ROS1: variants seen among roughly 807,000 people sequenced by gnomAD.
The protein encoded by ROS1 is ROS proto-oncogene 1, receptor tyrosine kinase, also known as proto-oncogene tyrosine-protein kinase ROS.
Under a neutral mutation model 273.5 loss-of-function variants are expected in ROS1, and 263 were observed. The ratio of observed to expected loss-of-function variants is 0.96; its 90% CI spans 0.87 to 1.06. The LOEUF (loss-of-function observed/expected upper bound fraction) is 1.06. Ranked by LOEUF, ROS1 falls within the 50% of genes least tolerant of loss-of-function variation. The probability of loss-of-function intolerance (pLI) is 0.00; values close to 1 mark genes in which losing one functional copy is unlikely to be tolerated. For synonymous variants in ROS1, 1,008 were observed against 954.1 expected (o/e 1.06, Z -1.04); for missense variants, 2,833 against 2,751.1 (o/e 1.03, Z -0.67).
chr6:117,343,236 C>G (rs1298064330), intron 28 of ROS1, among the ~76,000 whole-genome samples: 1 of 152,008 alleles, frequency 6.6e-6, no homozygotes, highest in Non-Finnish European at 1.5e-5. Context: ...GCCAAATGAT[C>G]TATCTGAAAT....
At chr6:117,400,069 C>A (rs189317047) in intron 7 of ROS1, among the ~76,000 whole-genome samples, 18 of 152,266 alleles carry the variant, frequency 1.2e-4, no homozygotes. Context: ...CACTATTTTT[C>A]TTCCTGTATT....
chr6:117,396,175 G>T lies in ROS1; in HGVS notation c.883+13C>A. 6.2e-7 allele frequency: 1 copy of T among 1,609,342 alleles called. No homozygotes were observed. Among genetic ancestry groups the T allele is most frequent in the Non-Finnish European group, 8.5e-7 (1 of 1,175,938 alleles). ...CATTCCTGTGTAGCTAAAGGAAGAA[G>T]CCTGACCCATACCTGCTGAAGATGA... On this transcript the variant is annotated intron_variant, in intron 9 of 43. Coordinates refer to ENST00000368507, the MANE Select transcript of ROS1 (RefSeq NM_001378902.1).
chr6:117,359,229 C>A (rs1779580908), intron 24 of ROS1, among the ~76,000 whole-genome samples: 1 of 152,190 alleles, frequency 6.6e-6, no homozygotes, highest in South Asian at 2.1e-4. Flanking sequence ...CTCTGTGATT[C>A]CACCACATCC....
In ROS1 at chr6:117,326,200, G is replaced by A. The variant is rs774457024; in HGVS notation, c.5539+24C>T. ...CTGAACCTTTAGGTAATAAGCTAGT[G>A]TGTAGACAGACATGGTAACATACCT... On this transcript the variant is annotated intron_variant, in intron 34 of 43. Coordinates refer to ENST00000368507, the MANE Select transcript of ROS1 (RefSeq NM_001378902.1). 2.7e-6 allele frequency: 4 copies of A among 1,488,690 alleles called. No individual in the cohort carries two copies. In the South Asian group the frequency reaches 3.8e-5, roughly 14 times the overall value. The allele number at this position is 1,488,690 out of a possible 1,614,324, so 92.2% of individuals were successfully genotyped here.
chr6:117,389,700 A>C lies in ROS1; in HGVS notation c.1436T>G (p.Phe479Cys). The C allele has an allele frequency of 6.2e-7, 1 of 1,614,188 alleles. No homozygotes were observed. Among genetic ancestry groups the C allele is most frequent in the African/African-American group, 1.3e-5 (1 of 75,062 alleles). ...IKPQAKRIIY[F>C]NDTAQVFMST... ...CATGAAGACTTGGGCAGTGTCATTG[A>C]AGTAAATGATTCGCTTGGCTTGTGG... The change falls in exon 13 of 44, where the codon TTC (phenylalanine) becomes TGC (cysteine). Residue 479 changes from phenylalanine (F) to cysteine (C), a missense_variant. By Grantham distance (205) the Phe-to-Cys change is radical. Transcript: ENST00000368507.
chr6:117,357,787 T>A lies in ROS1; in HGVS notation c.3839+17A>T. Reference sequence around the variant, plus strand: ...TCTATTTCATCACAATATAAAAAAATACTTGCATTTACATACCTTAAAAGA... The same window carrying A: ...TCTATTTCATCACAATATAAAAAAAAACTTGCATTTACATACCTTAAAAGA... On this transcript the variant is annotated intron_variant, in intron 25 of 43. Coordinates refer to ENST00000368507, the MANE Select transcript of ROS1 (RefSeq NM_001378902.1). 6.7e-7 allele frequency: 1 copy of A among 1,487,432 alleles called. No homozygotes were observed. The highest frequency in any genetic ancestry group is 9.3e-7 in the Non-Finnish European group (1 of 1,072,318). The allele number at this position is 1,487,432 out of a possible 1,614,324, so 92.1% of individuals were successfully genotyped here. A position where few individuals can be genotyped will look rare whatever the true frequency, so the allele number is the denominator to read the frequency against.
intron 31 of ROS1, 145 bp downstream of exon 31, chr6:117,340,990 C>G (rs1036130178): frequency 1.2e-4 from 75 of 601,672 alleles, no homozygotes; most frequent in Admixed American, 8.0e-4. Context: ...GTCTGGATAA[C>G]TCACTGCTTC....
chr6:117,375,216 C>A (rs1244168395), intron 18 of ROS1, among the ~76,000 whole-genome samples: 1 of 152,206 alleles, frequency 6.6e-6, no homozygotes, highest in Non-Finnish European at 1.5e-5. Flanking sequence ...AGTACATTCT[C>A]ACTCATAAGT....
chr6:117,321,448 CT>C (rs781207414), intron 35 of ROS1, 54 bp from the exon 36 acceptor site: 10 of 1,498,886 alleles, frequency 6.7e-6, no homozygotes, highest in Admixed American at 4.1e-5. Context: ...TTCTTTTTTC[CT>C]TTAGGAAATG....
intron 1 of ROS1, among the ~76,000 whole-genome samples, chr6:117,423,663 T>C (rs2128751471): frequency 6.6e-6 from 1 of 151,968 alleles, no homozygotes; most frequent in East Asian, 1.9e-4. Flanking sequence ...GGCCCACAAT[T>C]CTAACATTTT....
At position 117,385,825 on chromosome 6, in the gene ROS1, T is replaced by C; in HGVS notation, c.2147A>G (p.Asp716Gly). 6.2e-7 allele frequency: 1 copy of C among 1,614,222 alleles called. No homozygotes were observed. Among genetic ancestry groups the C allele is most frequent in the Non-Finnish European group, 8.5e-7 (1 of 1,180,042 alleles). ...DWYNNSLYYS[D>G]TKGDVFVWLL... The stretch of plus-strand genomic sequence containing the variant: ...CCACACAAAAACGTCGCCTTTCGTG[T>C]CACTGTAGTAGAGGCTGTTGTTATA... Residue 716 changes from aspartate (D) to glycine (G), a missense_variant, in exon 16 of 44, where the codon GAC becomes GGC. Physicochemically the swap from Asp to Gly is moderately conservative, Grantham distance 94. Coordinates refer to ENST00000368507, the MANE Select transcript of ROS1 (RefSeq NM_001378902.1).
intron 26 of ROS1, among the ~76,000 whole-genome samples, chr6:117,353,542 G>A (rs1050400796): frequency 1.4e-4 from 21 of 152,174 alleles, no homozygotes; most frequent in Admixed American, 1.4e-3. Context: ...TAGGCATAGG[G>A]CTCAGTGCAT....
At chr6:117,292,089 C>A (rs1403639541) in intron 43 of ROS1, among the ~76,000 whole-genome samples, 1 of 151,944 alleles carries the variant, frequency 6.6e-6, no homozygotes, top group African/African-American at 2.4e-5. Flanking sequence ...CCTACCTCAG[C>A]CTCTCTAGTA....
intron 6 of ROS1, 95 bp downstream of exon 6, chr6:117,404,185 C>A (rs548127334): frequency 2.6e-6 from 3 of 1,149,086 alleles, no homozygotes; most frequent in Admixed American, 2.1e-5. Flanking sequence ...CGCGCCACTG[C>A]ACTCCAGCCT....
intron 5 of ROS1, among the ~76,000 whole-genome samples, chr6:117,406,903 T>C (rs974684428): frequency 6.6e-6 from 1 of 152,182 alleles, no homozygotes; most frequent in Non-Finnish European, 1.5e-5. Flanking sequence ...ATGATCAGAT[T>C]GGGTATCACC....
At chr6:117,385,953 T>C in intron 15 of ROS1, 92 bp from the exon 16 acceptor site, 1 of 950,048 alleles carries the variant, frequency 1.1e-6, no homozygotes, top group Non-Finnish European at 1.7e-6. Context: ...CTCAACATAA[T>C]TTTAAACAAC....
intron 39 of ROS1, among the ~76,000 whole-genome samples, chr6:117,314,668 G>C (rs1268041111): frequency 6.6e-6 from 1 of 152,044 alleles, no homozygotes; most frequent in Non-Finnish European, 1.5e-5. Flanking sequence ...TTAAATGAGA[G>C]TCCACATACT....
Position 117,387,954 on chromosome 6 carries a change from C to T in ROS1, c.1825G>A (p.Val609Ile). 1 of 1,614,130 alleles carries T rather than the reference C, an allele frequency of 6.2e-7. No individual in the cohort carries two copies. Among genetic ancestry groups the T allele is most frequent in the East Asian group, 2.2e-5 (1 of 44,880 alleles). ...ACTTCAGGAGGGTCTTGGGTGGATA[C>T]TTTCACCTCATAGGTCCAGTTCTGC... Reference protein sequence around the residue: ...AWQNWTYEVKVSTQDPPEVTH... With the variant: ...AWQNWTYEVKISTQDPPEVTH... The change falls in exon 14 of 44, where the codon GTA (valine) becomes ATA (isoleucine). Residue 609 changes from valine (V) to isoleucine (I), a missense_variant. Physicochemically the swap from Val to Ile is conservative, Grantham distance 29 (BLOSUM62 3). Coordinates refer to ENST00000368507, the MANE Select transcript of ROS1 (RefSeq NM_001378902.1).
At chr6:117,424,900 T>C (rs1277156855) in intron 1 of ROS1, among the ~76,000 whole-genome samples, 1 of 152,158 alleles carries the variant, frequency 6.6e-6, no homozygotes, top group Non-Finnish European at 1.5e-5. Flanking sequence ...TACTTGGTTT[T>C]TAAAGTTAAT....
Sources: gnomAD v4.1 joint callset for allele counts (sites outside exome capture counted in the v4.1 genomes callset) on GRCh38, gnomAD v4.1.1 for gene constraint, MANE v1.5 for transcripts, NCBI Gene and HGNC (gene_info 2026-07-23, HGNC 2026-07-21) for gene names.